The following HGSNAT variants were observed in gnomAD, a reference collection of about 807,000 sequenced individuals.
The protein encoded by HGSNAT is transmembrane protein 76.
In HGSNAT, 59 loss-of-function variants were observed where a neutral mutation model predicts 85.2. That is an observed-to-expected ratio of 0.69 (90% CI 0.56 to 0.86). HGSNAT has a LOEUF of 0.86. HGSNAT is among the 40% of genes least tolerant of loss of function. The pLI, the probability that HGSNAT is intolerant of heterozygous loss-of-function variation, is 0.00. For synonymous variants in HGSNAT, 321 were observed against 304.5 expected (o/e 1.05, Z -0.56); for missense variants, 756 against 777.1 (o/e 0.97, Z 0.32).
intron 17 of HGSNAT, 147 bp from the exon 18 acceptor site, chr8:43,199,241 G>T: frequency 1.7e-6 from 1 of 584,168 alleles, no homozygotes; most frequent in Non-Finnish European, 3.0e-6. Flanking sequence ...AAATACCTAA[G>T]ATATGCATTA....
intron 11 of HGSNAT, among the ~76,000 whole-genome samples, chr8:43,183,511 G>A (rs935089504): frequency 5.0e-5 from 7 of 139,112 alleles, no homozygotes; most frequent in East Asian, 2.2e-4. Flanking sequence ...TGCTCTGTCC[G>A]CCAGGCTGGA....
chr8:43,160,915 A>T (rs1803247285), intron 4 of HGSNAT, among the ~76,000 whole-genome samples: 1 of 151,806 alleles, frequency 6.6e-6, no homozygotes, highest in African/African-American at 2.4e-5. Flanking sequence ...CTTGATTTGG[A>T]TTTGCTTGAT....
intron 5 of HGSNAT, among the ~76,000 whole-genome samples, chr8:43,168,233 T>C (rs1422383185): frequency 1.3e-5 from 2 of 152,080 alleles, no homozygotes; most frequent in Non-Finnish European, 1.5e-5. Context: ...TCATTTTGAA[T>C]TAAAGCAACC....
intron 15 of HGSNAT, 43 bp from the exon 16 acceptor site, chr8:43,197,629 A>G: frequency 1.4e-6 from 2 of 1,421,450 alleles, no homozygotes; most frequent in Non-Finnish European, 2.0e-6. Flanking sequence ...GTTTTCTGAG[A>G]TAATAATATA....
chr8:43,157,839 A>C (rs1803140930), intron 2 of HGSNAT, among the ~76,000 whole-genome samples: 1 of 151,864 alleles, frequency 6.6e-6, no homozygotes, highest in Non-Finnish European at 1.5e-5. Flanking sequence ...CTTTTAAAAC[A>C]CATAATTTAT....
At chr8:43,179,657 G>C (rs1803972928) in intron 10 of HGSNAT, among the ~76,000 whole-genome samples, 1 of 16,030 alleles carries the variant, frequency 6.2e-5, no homozygotes, top group Non-Finnish European at 1.3e-4. Flanking sequence ...TGGCCAGGCG[G>C]GGGGCTGATC....
chr8:43,140,613 A>G lies in HGSNAT; in HGVS notation c.117A>G (p.Arg39=), dbSNP rs1802484828. The G allele has an allele frequency of 6.5e-6, 8 of 1,230,766 alleles. No homozygotes were observed. Among genetic ancestry groups the G allele is most frequent in the African/African-American group, 1.6e-5 (1 of 62,510 alleles). The allele number at this position is 1,230,766 out of a possible 1,614,324, so 76.2% of individuals were successfully genotyped here. Residue 39 remains arginine (R), a splice_region_variant and synonymous_variant, in exon 1 of 18, where the codon CGA becomes CGG. Transcript: ENST00000379644. ...SGRDAQAAPP[R]DLDKKRHAEL... is the part of the protein sequence containing the mutation. ...GCGATGCCCAGGCCGCGCCGCCACG[A>G]GGTGAGTGCACACCTCCTACCGCCG...
intron 4 of HGSNAT, 115 bp downstream of exon 4, chr8:43,159,159 TC>T (rs1803190482): frequency 1.1e-5 from 11 of 1,027,304 alleles, no homozygotes; most frequent in African/African-American, 3.2e-5. Flanking sequence ...AAAACCTAAA[TC>T]TTAGGTCATT....
chr8:43,148,766 C>T (rs1380249636), intron 2 of HGSNAT, among the ~76,000 whole-genome samples: 2 of 149,552 alleles, frequency 1.3e-5, no homozygotes. Flanking sequence ...GCACTCTAAC[C>T]TGGGCAACAA....
intron 4 of HGSNAT, 113 bp downstream of exon 4, chr8:43,159,157 AATCTTAGGTC>A: frequency 9.4e-7 from 1 of 1,067,770 alleles, no homozygotes; most frequent in Non-Finnish European, 1.3e-6. Flanking sequence ...TGAAAACCTA[AATCTTAGGTC>A]ATTGATGAGC....
chr8:43,170,473 CTG>C, intron 6 of HGSNAT, 110 bp from the exon 7 acceptor site: 2 of 986,472 alleles, frequency 2.0e-6, no homozygotes, highest in Non-Finnish European at 3.1e-6. Context: ...GAGCGAGACT[CTG>C]TCTCAAAAAA....
chr8:43,149,521 AC>A (rs1246311268), intron 2 of HGSNAT, among the ~76,000 whole-genome samples: 2 of 151,924 alleles, frequency 1.3e-5, no homozygotes, highest in African/African-American at 4.8e-5. Context: ...GCACCGTGAA[AC>A]CCCGTCTCTA....
intron 9 of HGSNAT, among the ~76,000 whole-genome samples, chr8:43,174,727 G>A (rs1048488398): frequency 2.6e-5 from 4 of 152,094 alleles, no homozygotes; most frequent in African/African-American, 9.7e-5. Flanking sequence ...GGTAAATGGG[G>A]TACCCACCCC....
At chr8:43,151,968 T>C (rs1420984046) in intron 2 of HGSNAT, among the ~76,000 whole-genome samples, 1 of 152,168 alleles carries the variant, frequency 6.6e-6, no homozygotes, top group Non-Finnish European at 1.5e-5. Flanking sequence ...CCTGTAGCTT[T>C]GGAGGTTGGT....
chr8:43,158,185 T>G (rs1459408038), intron 2 of HGSNAT, among the ~76,000 whole-genome samples: 1 of 152,048 alleles, frequency 6.6e-6, no homozygotes, highest in African/African-American at 2.4e-5. Flanking sequence ...TGCAACCTCC[T>G]ACTCCCTGGT....
rs1433404175 is a variant in HGSNAT at position 43,196,975 on chromosome 8, G to C, written c.1492G>C (p.Ala498Pro). ...AGGAAAAATACTATTGTATTACAAG[G>C]CTCGGACCAAAGACATCCTGATTCG... ...QAGKILLYYK[A>P]RTKDILIRFT... is the part of the protein sequence containing the mutation. Residue 498 changes from alanine to proline, a missense_variant, in exon 15 of 18, where the codon GCT (alanine) becomes CCT (proline). Physicochemically the swap from Ala to Pro is conservative, Grantham distance 27 (BLOSUM62 -1). Coordinates refer to ENST00000379644, the MANE Select transcript of HGSNAT (RefSeq NM_152419.3). 7.4e-6 allele frequency: 12 copies of C among 1,611,606 alleles called. No homozygotes were observed. In the East Asian group the frequency reaches 2.7e-4, roughly 36 times the overall value.
At chr8:43,163,969 G>C (rs573796960) in intron 5 of HGSNAT, among the ~76,000 whole-genome samples, 1 of 152,312 alleles carries the variant, frequency 6.6e-6, no homozygotes, top group East Asian at 1.9e-4. Context: ...ATACTGAATT[G>C]AACCACTGAA....
Position 43,147,028 on chromosome 8 carries a change from T to C in HGSNAT, c.199T>C (p.Leu67=), listed in dbSNP as rs376924663. 9.6e-5 allele frequency: 154 copies of C among 1,607,846 alleles called. No homozygotes were observed. In the African/African-American group the frequency reaches 1.7e-3, roughly 18 times the overall value. The change falls in exon 2 of 18, where the codon TTG becomes CTG. Residue 67 remains leucine, a synonymous_variant. Coordinates refer to ENST00000379644, the MANE Select transcript of HGSNAT (RefSeq NM_152419.3). ...LIHNELLWTN[L]TVYWKSECCY... The stretch of plus-strand genomic sequence containing the variant: ...CCATAATGAACTTCTCTGGACCAAC[T>C]TGACCGTCTACTGGAAATCTGAATG...
At chr8:43,141,530 C>T (rs1036394776) in intron 1 of HGSNAT, among the ~76,000 whole-genome samples, 3 of 152,150 alleles carry the variant, frequency 2.0e-5, no homozygotes, top group African/African-American at 7.2e-5. Flanking sequence ...ACACGCCCCT[C>T]CCAGAGGGGT....
Sources: gnomAD v4.1 joint callset for allele counts (sites outside exome capture counted in the v4.1 genomes callset) on GRCh38, gnomAD v4.1.1 for gene constraint, MANE v1.5 for transcripts, NCBI Gene and HGNC (gene_info 2026-07-23, HGNC 2026-07-21) for gene names.